The following ZFHX3 variants were observed in gnomAD, a reference collection of about 807,000 sequenced individuals.
ZFHX3 encodes zinc finger homeobox 3, also known as zinc finger homeobox protein 3.
ZFHX3 carries 42 observed loss-of-function variants against 279.1 expected under a neutral mutation model. The observed-to-expected ratio is 0.15, with a 90% CI of 0.12 to 0.19. The LOEUF is 0.19. Ranked by LOEUF, ZFHX3 falls within the 10% of genes least tolerant of loss-of-function variation. The pLI is 1.00. For synonymous variants in ZFHX3, 2,293 were observed against 1,957.8 expected, an observed-to-expected ratio of 1.17 and a Z score of -4.52; for missense variants, 4,981 against 4,754.0, an observed-to-expected ratio of 1.05 and a Z score of -1.40.
chr16:73,173,479 G>A (rs1464191357), intron 5 of ZFHX3, among the ~76,000 whole-genome samples: 1 of 150,946 alleles, frequency 6.6e-6, no homozygotes, highest in African/African-American at 2.4e-5. Context: ...GTGCCTGAAC[G>A]TGATGAAGGA....
rs192357409 is a variant in ZFHX3, at chr16:73,348,540, C to T, written c.-1290-30204G>A. ...AAGCCGTGTTTGATGTTTCCACGGG[C>T]GTTTCTACTGATGGGCTTCACCCGG... On this transcript the variant is annotated intron_variant, in intron 3 of 17. Coordinates refer to the ZFHX3 transcript ENST00000641206. Among the ~76,000 whole-genome samples the T allele has an allele frequency of 9.8e-5, 15 of 152,294 alleles. No individual in the cohort carries two copies. In the East Asian group the frequency reaches 1.7e-3, roughly 18 times the overall value.
At chr16:73,632,060 A>T (rs2052478036) in intron 2 of ZFHX3, among the ~76,000 whole-genome samples, 1 of 152,222 alleles carries the variant, frequency 6.6e-6, no homozygotes, top group Non-Finnish European at 1.5e-5. Flanking sequence ...TGAAAAGAGG[A>T]GCTGGGAAGA....
chr16:72,931,417 A>G lies in ZFHX3; in HGVS notation c.3216+19052T>C, dbSNP rs1464453205. Among the ~76,000 whole-genome samples the G allele has an allele frequency of 7.8e-3, 1,008 of 129,854 alleles. 10 individuals are homozygous for G. The highest frequency in any genetic ancestry group is 0.027 in the African/African-American group (942 of 35,316). The allele number at this position is 129,854 out of a possible 152,430, so 85.2% of individuals were successfully genotyped here. ...CATTTATTTCATTACACACACACACACACACACACACACACACACACACAC... is the reference window on the plus strand; with the variant it reads ...CATTTATTTCATTACACACACACACGCACACACACACACACACACACACAC... On this transcript the variant is annotated intron_variant, in intron 3 of 9. Transcript: ENST00000268489.
intron 2 of ZFHX3, among the ~76,000 whole-genome samples, chr16:73,659,754 T>C (rs1403132611): frequency 6.6e-6 from 1 of 152,188 alleles, no homozygotes; most frequent in Non-Finnish European, 1.5e-5. Context: ...CTGTGTATAC[T>C]CATCTGGGCG....
intron 3 of ZFHX3, among the ~76,000 whole-genome samples, chr16:72,947,717 G>A (rs541881613): frequency 2.6e-5 from 4 of 152,234 alleles, no homozygotes; most frequent in African/African-American, 7.2e-5. Context: ...GGGTGGGGTG[G>A]GGAAGGGGTG....
chr16:73,260,447 G>A (rs77613369), intron 4 of ZFHX3, among the ~76,000 whole-genome samples: 13,697 of 152,012 alleles, frequency 0.09, 784 homozygotes, highest in Middle Eastern at 0.17. Context: ...TTTGATGCAC[G>A]CTTGGCCAGT....
chr16:73,751,145 A>G (rs2142269977), intron 1 of ZFHX3, among the ~76,000 whole-genome samples: 1 of 152,350 alleles, frequency 6.6e-6, no homozygotes, highest in Middle Eastern at 3.4e-3. Flanking sequence ...ATTTTTCAAA[A>G]GATACGGACT....
In ZFHX3 at chr16:73,334,873, A is replaced by G. The variant is rs1305273739; in HGVS notation, c.-1290-16537T>C. ...GCTTTCTGAATCTGCTTGACGTAAG[A>G]ACTTTCTTTGTTCCACCCTAATGTT... On this transcript the variant is annotated intron_variant, in intron 3 of 17. Coordinates refer to the ZFHX3 transcript ENST00000641206. 3.2e-5 allele frequency among the ~76,000 whole-genome samples: 4 copies of G among 124,394 alleles called. No individual in the cohort carries two copies. The East Asian group carries it at 9.5e-4, about 29-fold the overall frequency. The allele number at this position is 124,394 out of a possible 152,430, so 81.6% of individuals were successfully genotyped here. A position where few individuals can be genotyped will look rare whatever the true frequency, so the allele number is the denominator to read the frequency against.
chr16:73,228,534 G>A (rs1351361650), intron 5 of ZFHX3, among the ~76,000 whole-genome samples: 1 of 152,154 alleles, frequency 6.6e-6, no homozygotes, highest in Non-Finnish European at 1.5e-5. Flanking sequence ...GTAGTGACAT[G>A]TGCCTGTATT....
At chr16:73,194,704 T>C (rs990870173) in intron 5 of ZFHX3, among the ~76,000 whole-genome samples, 5 of 152,242 alleles carry the variant, frequency 3.3e-5, no homozygotes, top group African/African-American at 4.8e-5. Flanking sequence ...TGCATGTCAT[T>C]GCAATTTTTG....
At chr16:72,934,192 A>AG (rs1203250763) in intron 3 of ZFHX3, among the ~76,000 whole-genome samples, 1 of 152,156 alleles carries the variant, frequency 6.6e-6, no homozygotes, top group Admixed American at 6.5e-5. Context: ...TAGGAGGCTG[A>AG]GGCAGGAGGA....
At chr16:73,560,946 G>A (rs909526589) in intron 2 of ZFHX3, among the ~76,000 whole-genome samples, 2 of 152,194 alleles carry the variant, frequency 1.3e-5, no homozygotes, top group Non-Finnish European at 2.9e-5. Context: ...TATGAGATTA[G>A]TGAAAGGGAA....
chr16:73,021,023 G>T (rs1417517471), intron 1 of ZFHX3, among the ~76,000 whole-genome samples: 1 of 152,134 alleles, frequency 6.6e-6, no homozygotes, highest in African/African-American at 2.4e-5. Context: ...TAGTTGAAAG[G>T]GTATAGGCCC....
chr16:73,308,198 A>G lies in ZFHX3; in HGVS notation c.-1194+10042T>C, dbSNP rs539220812. ...GCTGTCTACCTAGTTAAAAGTTTAG[A>G]TTGAGTTATCTGAGCCATATGCATG... On this transcript the variant is annotated intron_variant, in intron 4 of 17. Coordinates refer to the ZFHX3 transcript ENST00000641206. 1.2e-4 allele frequency among the ~76,000 whole-genome samples: 17 copies of G among 139,796 alleles called. No individual in the cohort carries two copies. The South Asian group carries it at 1.4e-3, about 12-fold the overall frequency. The allele number at this position is 139,796 out of a possible 152,430, so 91.7% of individuals were successfully genotyped here.
upstream of ZFHX3, chr16:73,060,143 G>A (rs1965661997): frequency 6.8e-6 from 1 of 148,128 alleles, no homozygotes; most frequent in Non-Finnish European, 1.5e-5. Flanking sequence ...GAATTCATAA[G>A]AGAGAAAGCC....
intron 4 of ZFHX3, among the ~76,000 whole-genome samples, chr16:73,309,268 C>G (rs1054919954): frequency 6.6e-6 from 1 of 152,054 alleles, no homozygotes; most frequent in Non-Finnish European, 1.5e-5. Flanking sequence ...TCTCTCGTTC[C>G]CCTCCTTGTG....
chr16:73,889,048 A>T (rs1250148345), intron 1 of ZFHX3, among the ~76,000 whole-genome samples: 3 of 152,214 alleles, frequency 2.0e-5, no homozygotes, highest in Non-Finnish European at 4.4e-5. Flanking sequence ...CCAAGCTAGT[A>T]ACACAGGCCC....
chr16:72,867,734 A>G (rs1399599186), intron 4 of ZFHX3, among the ~76,000 whole-genome samples: 1 of 121,704 alleles, frequency 8.2e-6, no homozygotes, highest in Non-Finnish European at 2.0e-5. Context: ...AAAAAAAAAA[A>G]AAGAAGAAGA....
intron 4 of ZFHX3, among the ~76,000 whole-genome samples, chr16:72,880,368 G>T (rs1454154014): frequency 6.6e-6 from 1 of 152,172 alleles, no homozygotes; most frequent in East Asian, 1.9e-4. Context: ...GACTTTTAAG[G>T]AGGTGATTAG....
Sources: allele counts gnomAD v4.1 joint callset (sites outside exome capture counted in the v4.1 genomes callset), GRCh38; gene constraint gnomAD v4.1.1; transcripts MANE v1.5; gene names NCBI Gene and HGNC (gene_info 2026-07-23, HGNC 2026-07-21).